WWOX: variants seen among roughly 807,000 people sequenced by gnomAD.
WWOX encodes the protein WW domain containing oxidoreductase, also known as WW domain-containing oxidoreductase.
A neutral mutation model predicts 46.2 loss-of-function variants in WWOX; 69 were observed. That is an observed-to-expected ratio of 1.49 (90% CI 1.23 to 1.82). The LOEUF (loss-of-function observed/expected upper bound fraction) is 1.82. Ranked by LOEUF, WWOX falls within the 40% of genes most tolerant of loss-of-function variation. WWOX has a pLI of 0.00. For synonymous variants in WWOX, 359 were observed against 202.6 expected (o/e 1.77, Z -6.56); for missense variants, 919 against 542.6 (o/e 1.69, Z -6.89).
intron 8 of WWOX, among the ~76,000 whole-genome samples, chr16:78,676,611 T>C (rs1052558702): frequency 1.2e-4 from 19 of 152,196 alleles, no homozygotes; most frequent in Non-Finnish European, 2.5e-4. Context: ...CAAGGTTTTA[T>C]TAATGATGTG....
At chr16:78,826,582 C>T (rs568446801) in intron 8 of WWOX, among the ~76,000 whole-genome samples, 1 of 152,216 alleles carries the variant, frequency 6.6e-6, no homozygotes, top group Non-Finnish European at 1.5e-5. Flanking sequence ...CTCAAATCTC[C>T]CTCTACCTTT....
At chr16:79,101,243 G>A (rs914916710) in intron 8 of WWOX, 3 of 152,124 alleles carry the variant, frequency 2.0e-5, no homozygotes, top group Admixed American at 2.0e-4. Flanking sequence ...AAACATATTC[G>A]CAGCTTGTAT....
intron 8 of WWOX, among the ~76,000 whole-genome samples, chr16:78,979,742 C>G (rs974883021): frequency 3.3e-5 from 5 of 152,150 alleles, no homozygotes; most frequent in African/African-American, 9.7e-5. Context: ...CCCCAGTGGT[C>G]CAGGTTTTTC....
At chr16:78,408,469 G>A (rs775976608) in intron 6 of WWOX, among the ~76,000 whole-genome samples, 32 of 152,014 alleles carry the variant, frequency 2.1e-4, no homozygotes, top group Non-Finnish European at 4.1e-4. Flanking sequence ...TAATAAATTC[G>A]GCTCCACTCA....
At chr16:78,899,117 G>A (rs2044766893) in intron 8 of WWOX, 2 of 151,970 alleles carry the variant, frequency 1.3e-5, no homozygotes, top group African/African-American at 2.4e-5. Flanking sequence ...ATAGCCTGTA[G>A]GACAGTGTTG....
chr16:78,996,387 C>CA, intron 8 of WWOX: 1 of 853,284 alleles, frequency 1.2e-6, no homozygotes, highest in Non-Finnish European at 1.4e-6. Flanking sequence ...CCCCCGCCCC[C>CA]CAGCTTCCCC....
chr16:79,200,777 C>G (rs1010171149), intron 8 of WWOX, among the ~76,000 whole-genome samples: 3 of 152,076 alleles, frequency 2.0e-5, no homozygotes, highest in Non-Finnish European at 4.4e-5. Flanking sequence ...TGGCAAGTGC[C>G]TCTGTGCTGA....
intron 8 of WWOX, among the ~76,000 whole-genome samples, chr16:78,490,627 C>T (rs1019407887): frequency 1.3e-5 from 2 of 152,196 alleles, no homozygotes; most frequent in Non-Finnish European, 2.9e-5. Flanking sequence ...AAACGATCCT[C>T]TGATTGCTCA....
At position 78,557,689 on chromosome 16, in the gene WWOX, ATTTT is replaced by A. The variant is rs34068363; in HGVS notation, c.1056+124957_1056+124960del. Among the ~76,000 whole-genome samples the A allele has an allele frequency of 3.9e-3, 380 of 96,604 alleles. 11 individuals carry two copies. The highest frequency in any genetic ancestry group is 0.019 in the African/African-American group (360 of 19,192). The allele number at this position is 96,604 out of a possible 152,430, so 63.4% of individuals were successfully genotyped here. ...CATAAGTGCATTCCTCTAGGGAAGG[ATTTT>A]TTTTTTTTTTTTTTTTTTTGAGACA... On this transcript the variant is annotated intron_variant, in intron 8 of 8. Transcript: ENST00000566780.
chr16:78,200,781 C>T (rs2036206201), intron 5 of WWOX, among the ~76,000 whole-genome samples: 1 of 151,990 alleles, frequency 6.6e-6, no homozygotes, highest in African/African-American at 2.4e-5. Context: ...ATGTGCTGGA[C>T]CCTGGGTGGA....
intron 5 of WWOX, among the ~76,000 whole-genome samples, chr16:78,239,727 G>T (rs1339065831): frequency 6.6e-6 from 1 of 151,870 alleles, no homozygotes; most frequent in Non-Finnish European, 1.5e-5. Flanking sequence ...GTAGAGATAG[G>T]GTTTCACTTG....
intron 8 of WWOX, among the ~76,000 whole-genome samples, chr16:79,002,054 T>C (rs975865664): frequency 6.6e-6 from 1 of 152,042 alleles, no homozygotes; most frequent in African/African-American, 2.4e-5. Flanking sequence ...ATTGTAATGG[T>C]AAATTACACT....
chr16:78,796,234 C>A (rs889776491), intron 8 of WWOX, among the ~76,000 whole-genome samples: 1 of 152,196 alleles, frequency 6.6e-6, no homozygotes. Flanking sequence ...TATAGACATT[C>A]AGCAACTGGC....
chr16:78,889,369 A>G (rs564299255), intron 8 of WWOX, among the ~76,000 whole-genome samples: 116 of 107,868 alleles, frequency 1.1e-3, no homozygotes, highest in South Asian at 2.5e-3. Context: ...CCCGATTTAT[A>G]CTATGGATCA....
chr16:78,235,900 C>T lies in WWOX; in HGVS notation c.516+71611C>T, dbSNP rs1009176035. 2.0e-5 allele frequency among the ~76,000 whole-genome samples: 3 copies of T among 152,176 alleles called. 1 individual carries two copies. Among genetic ancestry groups the T allele is most frequent in the Non-Finnish European group, 1.5e-5 (1 of 68,036 alleles). On this transcript the variant is annotated intron_variant, in intron 5 of 8. Transcript: ENST00000566780. ...AGAGGGGCTGTAGCATAGCAGGTACCCACAGGAGCCTGGGCATGGCCTTTT... is the reference window on the plus strand; with the variant it reads ...AGAGGGGCTGTAGCATAGCAGGTACTCACAGGAGCCTGGGCATGGCCTTTT...
chr16:78,115,937 C>T (rs1003822995), intron 4 of WWOX, among the ~76,000 whole-genome samples: 11 of 152,138 alleles, frequency 7.2e-5, no homozygotes, highest in Non-Finnish European at 1.3e-4. Flanking sequence ...TTTGGTCCCC[C>T]GCAGCCCTCA....
intron 8 of WWOX, among the ~76,000 whole-genome samples, chr16:78,717,163 C>T (rs1364001968): frequency 1.3e-5 from 2 of 152,130 alleles, no homozygotes; most frequent in African/African-American, 4.8e-5. Context: ...TAGTCTGTCT[C>T]CCCAGGCTTA....
intron 5 of WWOX, among the ~76,000 whole-genome samples, chr16:78,185,907 C>T (rs1812423090): frequency 6.6e-6 from 1 of 152,134 alleles, no homozygotes; most frequent in Non-Finnish European, 1.5e-5. Context: ...CTCAAGTGAT[C>T]CACCCGCCTC....
chr16:78,749,488 C>G (rs1018498776), intron 8 of WWOX, among the ~76,000 whole-genome samples: 6 of 152,234 alleles, frequency 3.9e-5, no homozygotes, highest in East Asian at 1.9e-4. Flanking sequence ...AATATTAAAT[C>G]ATAATGAAGC....
Sources: gnomAD v4.1 joint callset for allele counts (sites outside exome capture counted in the v4.1 genomes callset) on GRCh38, gnomAD v4.1.1 for gene constraint, MANE v1.5 for transcripts, NCBI Gene and HGNC (gene_info 2026-07-23, HGNC 2026-07-21) for gene names.